The following HRAS variants were observed in gnomAD, a reference collection of about 807,000 sequenced individuals.
HRAS encodes HRas proto-oncogene, GTPase, also known as GTPase HRas.
In HRAS, 11 loss-of-function variants were observed where a neutral mutation model predicts 19.8. That is an observed-to-expected ratio of 0.55 (90% CI 0.35 to 0.92). HRAS has a LOEUF of 0.92. Among genes scored for constraint, HRAS ranks in the 40% least tolerant of loss-of-function variants. The pLI is 0.01. For missense variants in HRAS, 204 were observed against 255.9 expected (o/e 0.80, Z 1.38); for synonymous variants, 149 against 105.5 (o/e 1.41, Z -2.52).
chr11:534,359 A>G lies in HRAS; in HGVS notation c.-37T>C. 2 of 1,536,092 alleles carry G rather than the reference A, an allele frequency of 1.3e-6. No individual in the cohort carries two copies. Among genetic ancestry groups the G allele is most frequent in the East Asian group, 2.3e-5 (1 of 44,340 alleles). ...GGCCTGCGGCCCGGGGTCCTCCTAC[A>G]GGGTCTCCTGCCCCACCTGCCAAGG... is the stretch of plus-strand genomic sequence containing the variant. On this transcript the variant is annotated 5_prime_UTR_variant, in exon 2 of 6. Coordinates refer to ENST00000311189, the MANE Select transcript of HRAS (RefSeq NM_005343.4).
chr11:534,358 C>G lies in HRAS; in HGVS notation c.-36G>C, dbSNP rs1413656344. 5.2e-6 allele frequency: 8 copies of G among 1,541,254 alleles called. No individual in the cohort carries two copies. The highest frequency in any genetic ancestry group is 7.1e-6 in the Non-Finnish European group (8 of 1,123,632). On this transcript the variant is annotated 5_prime_UTR_variant, in exon 2 of 6. Coordinates refer to ENST00000311189, the MANE Select transcript of HRAS (RefSeq NM_005343.4). ...GGGCCTGCGGCCCGGGGTCCTCCTACAGGGTCTCCTGCCCCACCTGCCAAG... is the reference window on the plus strand; with the variant it reads ...GGGCCTGCGGCCCGGGGTCCTCCTAGAGGGTCTCCTGCCCCACCTGCCAAG...
At position 534,202 on chromosome 11, in the gene HRAS, C is replaced by T. The variant is rs1401412098; in HGVS notation, c.111+10G>A. 1.0e-5 allele frequency: 16 copies of T among 1,602,394 alleles called. No individual in the cohort carries two copies. Among genetic ancestry groups the T allele is most frequent in the Non-Finnish European group, 1.4e-5 (16 of 1,170,146 alleles). On this transcript the variant is annotated intron_variant, in intron 2 of 5. Coordinates refer to ENST00000311189, the MANE Select transcript of HRAS (RefSeq NM_005343.4). ...AGCTGCTGGCACCTGGACGGCGGCG[C>T]CAGGCTCACCTCTATAGTGGGGTCG...
At position 534,306 on chromosome 11, in the gene HRAS, A is replaced by G; in HGVS notation, c.17T>C (p.Leu6Pro). Reference protein sequence around the residue: MTEYKLVVVGAGGVGK... With the variant: MTEYKPVVVGAGGVGK... ...CACACCGCCGGCGCCCACCACCACC[A>G]GCTTATATTCCGTCATCGCTCCTCA... The change falls in exon 2 of 6, where the codon CTG becomes CCG. Residue 6 changes from leucine to proline, a missense_variant. Coordinates refer to ENST00000311189, the MANE Select transcript of HRAS (RefSeq NM_005343.4). 2 of 1,612,956 alleles carry G rather than the reference A, an allele frequency of 1.2e-6. No homozygotes were observed. The highest frequency in any genetic ancestry group is 1.7e-6 in the Non-Finnish European group (2 of 1,179,818).
intron 1 of HRAS, among the ~76,000 whole-genome samples, chr11:534,819 C>A (rs1165571005): frequency 6.6e-6 from 1 of 152,190 alleles, no homozygotes; most frequent in African/African-American, 2.4e-5. Flanking sequence ...CAAGTATTTG[C>A]TGAGCGCCTA....
intron 1 of HRAS, 95 bp downstream of exon 1, chr11:535,321 C>A (rs1192140658): frequency 8.2e-5 from 12 of 146,416 alleles, no homozygotes; most frequent in African/African-American, 2.9e-4. Flanking sequence ...CCGCTTACGC[C>A]CGCCGGCCCC....
At chr11:534,147 TC>T in intron 2 of HRAS, 64 bp downstream of exon 2, 1 of 1,352,600 alleles carries the variant, frequency 7.4e-7, no homozygotes, top group Admixed American at 1.7e-5. Context: ...GCCAGCCCTA[TC>T]CTGGCTGTGT....
In HRAS at chr11:532,539, G is replaced by A. The variant is rs553175921; in HGVS notation, c.*6-17C>T. On this transcript the variant is annotated splice_polypyrimidine_tract_variant and intron_variant, in intron 5 of 5. Coordinates refer to ENST00000311189, the MANE Select transcript of HRAS (RefSeq NM_005343.4). ...GAGCTTGTGCTGGGCGGGGCACAAGGGAGGCTGCTGACCGCAGGCCAGGAG... is the reference window on the plus strand; with the variant it reads ...GAGCTTGTGCTGGGCGGGGCACAAGAGAGGCTGCTGACCGCAGGCCAGGAG... 1.3e-6 allele frequency: 2 copies of A among 1,524,504 alleles called. No individual in the cohort carries two copies. Among genetic ancestry groups the A allele is most frequent in the East Asian group, 2.4e-5 (1 of 41,636 alleles). 94.4% of individuals were successfully genotyped at this position (1,524,504 alleles called of 1,614,324 possible).
intron 4 of HRAS, chr11:533,226 C>T: frequency 1.4e-6 from 2 of 1,467,154 alleles, no homozygotes; most frequent in Admixed American, 2.0e-5. Flanking sequence ...GGCGTGAGCC[C>T]AGACCCCGGC....
chr11:532,867 C>A (rs1851192353), intron 4 of HRAS, 112 bp from the exon 5 acceptor site: 12 of 1,059,456 alleles, frequency 1.1e-5, no homozygotes, highest in Non-Finnish European at 1.7e-5. Context: ...CCGACTCCAC[C>A]AGCCACTTCC....
In HRAS at chr11:533,759, G is replaced by T. The variant is rs1367770571; in HGVS notation, c.290+7C>A. ...GTGGGCTCCCGGGCCAGCCTCACGG[G>T]GTTCACCTGTACTGGTGGATGTCCT... On this transcript the variant is annotated splice_region_variant and intron_variant, in intron 3 of 5. Coordinates refer to ENST00000311189, the MANE Select transcript of HRAS (RefSeq NM_005343.4). 1.2e-6 allele frequency: 2 copies of T among 1,613,242 alleles called. No homozygotes were observed. The highest frequency in any genetic ancestry group is 1.7e-6 in the Non-Finnish European group (2 of 1,179,970).
Position 533,282 on chromosome 11 carries a change from G to A in HRAS, c.450+171C>T, listed in dbSNP as rs376091236. ...TGCCGTCCCGGGAGACTTACAGCGCGAGGGGCCGCTGGGTCACATGGGTCC... is the reference window on the plus strand; with the variant it reads ...TGCCGTCCCGGGAGACTTACAGCGCAAGGGGCCGCTGGGTCACATGGGTCC... On this transcript the variant is annotated intron_variant, in intron 4 of 5. Transcript: ENST00000311189. The A allele has an allele frequency of 2.5e-5, 40 of 1,591,560 alleles. No homozygotes were observed. In the African/African-American group the frequency reaches 4.7e-4, roughly 19 times the overall value.
rs146677294 is a variant in HRAS, at chr11:534,403, GCCCAGGCCCAGC to G, written c.-53-40_-53-29del. 0.2 allele frequency: 216,486 copies of G among 1,103,448 alleles called. 23,429 individuals are homozygous for G. Among genetic ancestry groups the G allele is most frequent in the African/African-American group, 0.34 (22,110 of 64,226 alleles). 68.4% of individuals were successfully genotyped at this position (1,103,448 alleles called of 1,614,324 possible). On this transcript the variant is annotated intron_variant, in intron 1 of 5. Transcript: ENST00000311189. ...GCCAAGGAGGGCCCTGCTCAGCCAGGCCCAGGCCCAGCCCCAGGCCCCACAGGGCAGCTGCTG... is the reference window on the plus strand; with the variant it reads ...GCCAAGGAGGGCCCTGCTCAGCCAGGCCCAGGCCCCACAGGGCAGCTGCTG...
intron 2 of HRAS, 31 bp from the exon 3 acceptor site, chr11:533,975 C>G (rs1851291048): frequency 1.2e-6 from 2 of 1,603,962 alleles, no homozygotes; most frequent in South Asian, 2.2e-5. Flanking sequence ...GGGACCCCCT[C>G]AGGACCTTCC....
chr11:533,743 C>A (rs375166344), intron 3 of HRAS, 23 bp downstream of exon 3: 9 of 1,612,980 alleles, frequency 5.6e-6, no homozygotes, highest in Non-Finnish European at 7.6e-6. Context: ...CGTGGGCTCC[C>A]GGGCCAGCCT....
Position 532,764 on chromosome 11 carries a change from G to A in HRAS, c.451-9C>T, listed in dbSNP as rs763872424. 1.2e-6 allele frequency: 2 copies of A among 1,612,070 alleles called. No homozygotes were observed. Among genetic ancestry groups the A allele is most frequent in the Non-Finnish European group, 1.7e-6 (2 of 1,179,916 alleles). ...AAGGCATCCTCCACTCCCTGGGAAA[G>A]GAGGGATGGGATCAGGAGGGACCGG... On this transcript the variant is annotated splice_polypyrimidine_tract_variant and intron_variant, in intron 4 of 5. Coordinates refer to ENST00000311189, the MANE Select transcript of HRAS (RefSeq NM_005343.4).
intron 4 of HRAS, 49 bp downstream of exon 4, chr11:533,399 TGGGGC>T (rs757540126): frequency 1.7e-5 from 22 of 1,323,012 alleles, no homozygotes; most frequent in Admixed American, 3.4e-5. Context: ...GCTCCCTGGC[TGGGGC>T]GGGGCGGGGC....
intron 2 of HRAS, 89 bp downstream of exon 2, chr11:534,123 G>A (rs1057410548): frequency 6.5e-6 from 8 of 1,226,410 alleles, no homozygotes; most frequent in Admixed American, 3.5e-5. Flanking sequence ...CCATGCAGGG[G>A]ACCAGGGGCT....
rs1386287192 is a variant in HRAS, at chr11:532,288, G to A, written c.*240C>T. 4.2e-6 allele frequency: 2 copies of A among 470,922 alleles called. No homozygotes were observed. The highest frequency in any genetic ancestry group is 3.7e-5 in the East Asian group (1 of 27,334). 29.2% of individuals were successfully genotyped at this position (470,922 alleles called of 1,614,324 possible). A position where few individuals can be genotyped will look rare whatever the true frequency, so the allele number is the denominator to read the frequency against. On this transcript the variant is annotated 3_prime_UTR_variant, in exon 6 of 6. Coordinates refer to ENST00000311189, the MANE Select transcript of HRAS (RefSeq NM_005343.4). ...CTGTGATCCCATCTGTGCCCGACAA[G>A]GGCCCACAGAGGCCTGGGAGGGGAG...
At chr11:535,364 C>A in intron 1 of HRAS, 52 bp downstream of exon 1, 1 of 146,604 alleles carries the variant, frequency 6.8e-6, no homozygotes, top group South Asian at 1.8e-4. Flanking sequence ...GTATTGCTGC[C>A]GCCTGGGGGC....
Sources: allele counts gnomAD v4.1 joint callset (sites outside exome capture counted in the v4.1 genomes callset), GRCh38; gene constraint gnomAD v4.1.1; transcripts MANE v1.5; gene names NCBI Gene and HGNC (gene_info 2026-07-23, HGNC 2026-07-21).